Variants in FBXL17 observed in about 807,000 individuals in gnomAD.
The protein encoded by FBXL17 is F-box/LRR-repeat protein 17.
Under a neutral mutation model 66.2 loss-of-function variants are expected in FBXL17, and 22 were observed. The observed-to-expected ratio is 0.33, with a 90% confidence interval of 0.24 to 0.47. FBXL17 has a LOEUF of 0.47. Ranked by LOEUF, FBXL17 falls within the 20% of genes least tolerant of loss-of-function variation. The pLI is 1.00. For missense variants in FBXL17, 878 were observed against 948.2 expected (o/e 0.93, Z 0.97); for synonymous variants, 474 against 400.5 (o/e 1.18, Z -2.19).
chr5:107,879,038 A>T (rs1430172422), intron 8 of FBXL17: 5 of 985,368 alleles, frequency 5.1e-6, no homozygotes, highest in Non-Finnish European at 6.0e-6. Context: ...ACTAATTTGC[A>T]TTTGGGTAGA....
At chr5:107,940,919 G>C (rs1418376651) in intron 7 of FBXL17, among the ~76,000 whole-genome samples, 1 of 152,126 alleles carries the variant, frequency 6.6e-6, no homozygotes, top group Non-Finnish European at 1.5e-5. Flanking sequence ...ATTTTAAAGA[G>C]GTTCCCATGT....
At chr5:108,243,101 G>A in intron 4 of FBXL17, among the ~76,000 whole-genome samples, 1 of 152,080 alleles carries the variant, frequency 6.6e-6, no homozygotes, top group Non-Finnish European at 1.5e-5. Context: ...GTGCTAGGCT[G>A]GATTTGGAAA....
At chr5:108,055,660 G>T (rs147888754) in intron 6 of FBXL17, among the ~76,000 whole-genome samples, 1 of 144,204 alleles carries the variant, frequency 6.9e-6, no homozygotes, top group Non-Finnish European at 1.5e-5. Context: ...AAATAAAAAT[G>T]GTTCCACATG....
intron 8 of FBXL17, chr5:107,878,302 T>C (rs1748674890): frequency 1.1e-6 from 1 of 943,226 alleles, no homozygotes; most frequent in Non-Finnish European, 1.3e-6. Context: ...TTTTTTCTCA[T>C]TGGAAAATTC....
chr5:108,335,369 A>G (rs956852344), intron 4 of FBXL17, among the ~76,000 whole-genome samples: 112 of 150,948 alleles, frequency 7.4e-4, no homozygotes, highest in African/African-American at 2.7e-3. Context: ...TTTTTTTTTT[A>G]AATTTTGAAA....
At chr5:108,298,677 T>A (rs1758449460) in intron 4 of FBXL17, 4 of 820,098 alleles carry the variant, frequency 4.9e-6, no homozygotes, top group Non-Finnish European at 5.9e-6. Flanking sequence ...ATATACTATC[T>A]TCCTCATACA....
At position 108,381,183 on chromosome 5, in the gene FBXL17, A is replaced by T; in HGVS notation, c.509T>A (p.Leu170Gln). ...GAGCTGCACGGCGGCGGGCGGCCCC[A>T]GGAAGCGCACCGGCCCCAAGCTGGC... ...FLASLGPVRF[L>Q]GPPAAVQLFR... Residue 170 changes from leucine to glutamine, a missense_variant, in exon 1 of 9, where the codon CTG becomes CAG. By Grantham distance (113) the Leu-to-Gln change is moderately radical. Coordinates refer to ENST00000542267, the MANE Select transcript of FBXL17 (RefSeq NM_001163315.3). 1 of 1,433,132 alleles carries T rather than the reference A, an allele frequency of 7.0e-7. No individual in the cohort carries two copies. Among genetic ancestry groups the T allele is most frequent in the Non-Finnish European group, 9.1e-7 (1 of 1,095,182 alleles). The allele number at this position is 1,433,132 out of a possible 1,614,324, so 88.8% of individuals were successfully genotyped here.
At chr5:107,969,041 G>A (rs1159441743) in intron 7 of FBXL17, among the ~76,000 whole-genome samples, 4 of 152,086 alleles carry the variant, frequency 2.6e-5, no homozygotes, top group African/African-American at 9.7e-5. Context: ...CTGCCTGTTT[G>A]ATGACAAAGT....
At chr5:108,089,391 T>G (rs1029772844) in intron 6 of FBXL17, among the ~76,000 whole-genome samples, 1 of 152,198 alleles carries the variant, frequency 6.6e-6, no homozygotes, top group African/African-American at 2.4e-5. Context: ...GGAGCTGATT[T>G]TCACTCTTAA....
chr5:108,292,856 T>C (rs1237639624), intron 4 of FBXL17, among the ~76,000 whole-genome samples: 4 of 152,210 alleles, frequency 2.6e-5, no homozygotes, highest in East Asian at 1.9e-4. Context: ...TCCCAGCACA[T>C]TGGGAGGACG....
At chr5:108,373,852 A>G (rs1249073536) in intron 1 of FBXL17, among the ~76,000 whole-genome samples, 1 of 152,206 alleles carries the variant, frequency 6.6e-6, no homozygotes, top group African/African-American at 2.4e-5. Flanking sequence ...CAGGAGGTCG[A>G]GGCTGCAGTG....
In FBXL17 at chr5:108,025,157, A is replaced by C. The variant is rs555875084; in HGVS notation, c.1746-4156T>G. Among the ~76,000 whole-genome samples, 10 of 152,290 alleles carry C rather than the reference A, an allele frequency of 6.6e-5. No homozygotes were observed. The South Asian group carries it at 1.7e-3, about 25-fold the overall frequency. ...TCGCTTGCAATAGGAGTGTCCTAGG[A>C]GACCTTGTTACTGTTTGTGATGTGC... On this transcript the variant is annotated intron_variant, in intron 6 of 8. Transcript: ENST00000542267.
intron 6 of FBXL17, among the ~76,000 whole-genome samples, chr5:108,079,580 A>G (rs1748687108): frequency 6.6e-6 from 1 of 152,224 alleles, no homozygotes; most frequent in Admixed American, 6.5e-5. Flanking sequence ...AGTATTGGAG[A>G]AAAATAAAAT....
chr5:108,069,306 T>C (rs1394012341), intron 6 of FBXL17, among the ~76,000 whole-genome samples: 7 of 152,234 alleles, frequency 4.6e-5, no homozygotes, highest in Admixed American at 3.3e-4. Flanking sequence ...GAGACTAGCA[T>C]TTGATTCAAC....
chr5:108,260,850 A>G (rs1236110046), intron 4 of FBXL17, among the ~76,000 whole-genome samples: 2 of 152,156 alleles, frequency 1.3e-5, no homozygotes, highest in African/African-American at 4.8e-5. Flanking sequence ...CATTTCACCA[A>G]TATCGGTATC....
intron 6 of FBXL17, among the ~76,000 whole-genome samples, chr5:108,031,315 T>C (rs1451292986): frequency 6.6e-6 from 1 of 152,020 alleles, no homozygotes; most frequent in Non-Finnish European, 1.5e-5. Flanking sequence ...ATAAAAGAAA[T>C]ATTTGAGAAA....
chr5:107,877,844 T>C (rs1409694953), intron 8 of FBXL17, among the ~76,000 whole-genome samples: 1 of 152,182 alleles, frequency 6.6e-6, no homozygotes, highest in Non-Finnish European at 1.5e-5. Flanking sequence ...AAATTAATTT[T>C]GTTCTTTAAT....
chr5:108,134,739 C>T (rs753773929), intron 6 of FBXL17, among the ~76,000 whole-genome samples: 6 of 152,130 alleles, frequency 3.9e-5, no homozygotes, highest in South Asian at 2.1e-4. Context: ...TTGATGTATC[C>T]GCTGGTTTCC....
intron 6 of FBXL17, among the ~76,000 whole-genome samples, chr5:108,155,210 C>T (rs984278213): frequency 3.3e-5 from 5 of 151,982 alleles, no homozygotes; most frequent in Non-Finnish European, 5.9e-5. Flanking sequence ...TTGTGGTTTC[C>T]GATGAGAGAT....
Sources: gnomAD v4.1 joint callset for allele counts (sites outside exome capture counted in the v4.1 genomes callset) on GRCh38, gnomAD v4.1.1 for gene constraint, MANE v1.5 for transcripts, NCBI Gene and HGNC (gene_info 2026-07-23, HGNC 2026-07-21) for gene names.